NFIC: variants seen among roughly 807,000 people sequenced by gnomAD.
NFIC encodes nuclear factor I C.
A neutral mutation model predicts 54.4 loss-of-function variants in NFIC; 12 were observed. The ratio of observed to expected loss-of-function variants is 0.22; its 90% CI spans 0.14 to 0.36. The LOEUF (loss-of-function observed/expected upper bound fraction) is 0.36, where lower values mean the gene tolerates loss of function less well. NFIC is among the 10% of genes least tolerant of loss of function. The pLI is 1.00. For synonymous variants in NFIC, 322 were observed against 319.2 expected (o/e 1.01, Z -0.09); for missense variants, 575 against 718.2 (o/e 0.80, Z 2.28).
upstream of NFIC, among the ~76,000 whole-genome samples, chr19:3,362,443 C>G (rs950236500): frequency 6.6e-6 from 1 of 151,622 alleles, no homozygotes; most frequent in Non-Finnish European, 1.5e-5. Context: ...GCTCGCCCCT[C>G]TTTGAGGAGG....
At chr19:3,456,667 G>C in intron 10 of NFIC, 32 bp downstream of exon 10, 1 of 1,336,682 alleles carries the variant, frequency 7.5e-7, no homozygotes, top group Non-Finnish European at 1.0e-6. Context: ...GGTGGGGTGG[G>C]AGGGGCAGGG....
intron 3 of NFIC, among the ~76,000 whole-genome samples, chr19:3,429,972 T>G (rs941269926): frequency 6.6e-6 from 1 of 152,124 alleles, no homozygotes; most frequent in Non-Finnish European, 1.5e-5. Context: ...TTCCTTCCTC[T>G]TATCCAGTCT....
chr19:3,410,103 C>T (rs1056077136), intron 2 of NFIC, among the ~76,000 whole-genome samples: 1 of 151,902 alleles, frequency 6.6e-6, no homozygotes, highest in Non-Finnish European at 1.5e-5. Context: ...TGCAGTGGTT[C>T]GATCTCGGCT....
Position 3,453,615 on chromosome 19 carries a change from A to T in NFIC, c.1270-148A>T. 1.7e-6 allele frequency: 2 copies of T among 1,158,646 alleles called. No individual in the cohort carries two copies. Among genetic ancestry groups the T allele is most frequent in the Non-Finnish European group, 2.3e-6 (2 of 854,730 alleles). 71.8% of individuals were successfully genotyped at this position (1,158,646 alleles called of 1,614,324 possible). A position where few individuals can be genotyped will look rare whatever the true frequency, so the allele number is the denominator to read the frequency against. ...TCCACCTCCGGCCGTCCTCAGACCC[A>T]CCAAACCCGCCATGGTCACACCCGC... On this transcript the variant is annotated intron_variant, in intron 8 of 10. Transcript: ENST00000443272. This position sits in a 1 kb window ranked among gnomAD's most constrained non-coding sequence, Gnocchi z 6.7.
chr19:3,453,648 C>G lies in NFIC; in HGVS notation c.1270-115C>G. 1 of 1,384,844 alleles carries G rather than the reference C, an allele frequency of 7.2e-7. No homozygotes were observed. The highest frequency in any genetic ancestry group is 9.5e-7 in the Non-Finnish European group (1 of 1,048,714). The allele number at this position is 1,384,844 out of a possible 1,614,324, so 85.8% of individuals were successfully genotyped here. ...CGCCATGGTCACACCCGCGCCCTGG[C>G]CCCCCAGCCTGCCACCCCGTCCGGG... On this transcript the variant is annotated intron_variant, in intron 8 of 10. Transcript: ENST00000443272. The surrounding 1 kb of genome is among the most constrained non-coding windows in gnomAD (Gnocchi z 6.7).
chr19:3,463,864 CCT>C lies in NFIC; in HGVS notation c.*1096_*1097del, dbSNP rs981689026. 8 of 984,192 alleles carry C rather than the reference CCT, an allele frequency of 8.1e-6. No homozygotes were observed. The highest frequency in any genetic ancestry group is 1.2e-4 in the Admixed American group (2 of 16,230). The allele number at this position is 984,192 out of a possible 1,614,324, so 61.0% of individuals were successfully genotyped here. A position where few individuals can be genotyped will look rare whatever the true frequency, so the allele number is the denominator to read the frequency against. On this transcript the variant is annotated 3_prime_UTR_variant, in exon 11 of 11. Coordinates refer to ENST00000443272, the MANE Select transcript of NFIC (RefSeq NM_001245002.2). ...GCCTGATTACCACCACCCGCCCCCCCCTTTGTCCAGCTGGGACACGGAATGGC... is the reference window on the plus strand; with the variant it reads ...GCCTGATTACCACCACCCGCCCCCCCTTGTCCAGCTGGGACACGGAATGGC...
chr19:3,431,784 A>G (rs554723698), intron 3 of NFIC, among the ~76,000 whole-genome samples: 105 of 152,050 alleles, frequency 6.9e-4, no homozygotes, highest in Non-Finnish European at 1.5e-3. Context: ...GATTACAGGC[A>G]TGAGCCACCA....
At chr19:3,403,659 C>T (rs1334747133) in intron 2 of NFIC, among the ~76,000 whole-genome samples, 1 of 152,248 alleles carries the variant, frequency 6.6e-6, no homozygotes, top group Non-Finnish European at 1.5e-5. Context: ...GAGAGCCCTC[C>T]CCTGGGCGCC....
chr19:3,434,344 C>T lies in NFIC; in HGVS notation c.777C>T (p.Asp259=). ...AGCTGCAGGGGCACCTGGCATACGA[C>T]CTGAACCCAGCCAGCACTGGCCTCA... ...LGELQGHLAY[D]LNPASTGLRR... Residue 259 remains aspartate, a synonymous_variant, in exon 5 of 11, where the codon GAC becomes GAT. Transcript: ENST00000443272. 1 of 1,613,584 alleles carries T rather than the reference C, an allele frequency of 6.2e-7. No individual in the cohort carries two copies. Among genetic ancestry groups the T allele is most frequent in the Non-Finnish European group, 8.5e-7 (1 of 1,179,922 alleles).
At chr19:3,408,375 G>C (rs2081691528) in intron 2 of NFIC, among the ~76,000 whole-genome samples, 1 of 152,196 alleles carries the variant, frequency 6.6e-6, no homozygotes, top group African/African-American at 2.4e-5. Flanking sequence ...TTGAAGCCAA[G>C]ATTCCCAACA....
chr19:3,431,721 C>T (rs917877607), intron 3 of NFIC, among the ~76,000 whole-genome samples: 2 of 151,984 alleles, frequency 1.3e-5, no homozygotes, highest in Non-Finnish European at 2.9e-5. Context: ...CCGGGCTGAT[C>T]TCAAACTCCT....
chr19:3,400,341 A>T (rs1185774498), intron 2 of NFIC, among the ~76,000 whole-genome samples: 1 of 151,798 alleles, frequency 6.6e-6, no homozygotes, highest in African/African-American at 2.4e-5. Context: ...GCCAGGCGTG[A>T]TGGCAGGTGC....
intron 2 of NFIC, among the ~76,000 whole-genome samples, chr19:3,392,583 G>T (rs2145506745): frequency 6.6e-6 from 1 of 152,324 alleles, no homozygotes; most frequent in African/African-American, 2.4e-5. Flanking sequence ...GGCCCTCCCA[G>T]AGCCAGTGGG....
upstream of NFIC, among the ~76,000 whole-genome samples, chr19:3,365,959 G>T (rs2080874997): frequency 6.6e-6 from 1 of 152,182 alleles, no homozygotes; most frequent in Non-Finnish European, 1.5e-5. Context: ...CCAGCTCACC[G>T]TGCACCCAGG....
At position 3,465,352 on chromosome 19, in the gene NFIC, A is replaced by T. The variant is rs1206832671; in HGVS notation, c.*2583A>T. ...AAAAAAAAGACAAAACAGTGACATG[A>T]AATAAAAAATAAAAATTGAAAAGGG... On this transcript the variant is annotated 3_prime_UTR_variant, in exon 11 of 11. Coordinates refer to ENST00000443272, the MANE Select transcript of NFIC (RefSeq NM_001245002.2). The T allele has an allele frequency of 6.7e-6, 1 of 150,340 alleles. No homozygotes were observed. Among genetic ancestry groups the T allele is most frequent in the Non-Finnish European group, 1.5e-5 (1 of 67,684 alleles). The allele number at this position is 150,340 out of a possible 1,614,324, so 9.3% of individuals were successfully genotyped here.
chr19:3,366,644 C>T lies in NFIC; in HGVS notation c.8C>T (p.Ser3Leu). Residue 3 changes from serine to leucine, a missense_variant, in exon 1 of 11, where the codon TCG (serine) becomes TTG (leucine). Transcript: ENST00000443272. MYSSPLCLTQDEF... is the reference protein window; with the variant it reads MYLSPLCLTQDEF... ...CCTCCCGCCGCGCCCGGGATGTATT[C>T]GTCCCCGCTCTGCCTCACCCAGGTA... The T allele has an allele frequency of 6.7e-7, 1 of 1,493,372 alleles. No individual in the cohort carries two copies. The highest frequency in any genetic ancestry group is 1.3e-5 in the South Asian group (1 of 75,708). The allele number at this position is 1,493,372 out of a possible 1,614,324, so 92.5% of individuals were successfully genotyped here.
chr19:3,434,928 G>A (rs1331517022), intron 5 of NFIC, 155 bp from the exon 6 acceptor site: 1 of 1,025,406 alleles, frequency 9.8e-7, no homozygotes. Flanking sequence ...GCGTTCGTAG[G>A]GAACGGGCTG....
rs1568196078 is a variant in NFIC, at chr19:3,452,461, C to CG, written c.1085-20dup. 7 of 1,608,804 alleles carry CG rather than the reference C, an allele frequency of 4.4e-6. No homozygotes were observed. Among genetic ancestry groups the CG allele is most frequent in the Non-Finnish European group, 5.9e-6 (7 of 1,179,640 alleles). The stretch of plus-strand genomic sequence containing the variant: ...CCGGCTGGAGCCCCCAAGTAACCCC[C>CG]GCTTCCCACTGTCTCCGCAGGGATC... On this transcript the variant is annotated intron_variant, in intron 7 of 10. Transcript: ENST00000443272. This position sits in a 1 kb window ranked among gnomAD's most constrained non-coding sequence, Gnocchi z 5.3.
intron 2 of NFIC, among the ~76,000 whole-genome samples, chr19:3,396,256 G>C (rs1258610765): frequency 6.6e-6 from 1 of 152,072 alleles, no homozygotes; most frequent in Admixed American, 6.6e-5. Context: ...CGGATCACGA[G>C]GTGAGGAGAT....
Sources: allele counts gnomAD v4.1 joint callset (sites outside exome capture counted in the v4.1 genomes callset), GRCh38; gene constraint gnomAD v4.1.1; non-coding constraint Gnocchi (gnomAD v3.1); transcripts MANE v1.5; gene names NCBI Gene and HGNC (gene_info 2026-07-23, HGNC 2026-07-21).